PTPRD: variants seen among roughly 807,000 people sequenced by gnomAD.
The protein encoded by PTPRD is protein tyrosine phosphatase receptor type D.
Under a neutral mutation model 214.5 loss-of-function variants are expected in PTPRD, and 34 were observed. The ratio of observed to expected loss-of-function variants is 0.16; its 90% CI spans 0.12 to 0.21. The LOEUF is 0.21. PTPRD is among the 10% of genes least tolerant of loss of function. The pLI is 1.00. For missense variants in PTPRD, 2,545 were observed against 2,398.7 expected, an observed-to-expected ratio of 1.06 and a Z score of -1.27; for synonymous variants, 1,128 against 845.7, an observed-to-expected ratio of 1.33 and a Z score of -5.79.
At chr9:8,497,554 A>C (rs769979856) in intron 25 of PTPRD, among the ~76,000 whole-genome samples, 37 of 152,308 alleles carry the variant, frequency 2.4e-4, no homozygotes, top group Admixed American at 4.6e-4. Flanking sequence ...AATGTTTCTA[A>C]TCATATCCTA....
chr9:9,567,746 G>A (rs543584850), intron 8 of PTPRD, among the ~76,000 whole-genome samples: 1 of 151,994 alleles, frequency 6.6e-6, no homozygotes, highest in African/African-American at 2.4e-5. Flanking sequence ...GCAGCCTTGA[G>A]CTTCCATGGA....
chr9:9,400,757 G>A (rs1305062480), intron 8 of PTPRD, among the ~76,000 whole-genome samples: 1 of 152,048 alleles, frequency 6.6e-6, no homozygotes, highest in Non-Finnish European at 1.5e-5. Context: ...TAAGAGTGAG[G>A]AAATGGAGTC....
chr9:10,303,561 T>TA (rs1347728358), intron 3 of PTPRD, among the ~76,000 whole-genome samples: 7 of 151,792 alleles, frequency 4.6e-5, no homozygotes, highest in African/African-American at 1.7e-4. Context: ...ATAGATGCAA[T>TA]AAAAAATAAT....
chr9:8,645,551 C>T (rs1267969944), intron 12 of PTPRD, among the ~76,000 whole-genome samples: 2 of 152,090 alleles, frequency 1.3e-5, no homozygotes, highest in African/African-American at 4.8e-5. Context: ...AAGCATTTCC[C>T]ATTTGGTAGA....
intron 11 of PTPRD, among the ~76,000 whole-genome samples, chr9:8,809,057 C>T (rs6477356): frequency 0.82 from 123,519 of 151,440 alleles, 50,906 homozygotes; most frequent in African/African-American, 0.96. Flanking sequence ...ACTAAGACCA[C>T]AGCTTGGTTT....
At chr9:8,593,162 A>C (rs2094239377) in intron 14 of PTPRD, among the ~76,000 whole-genome samples, 1 of 152,216 alleles carries the variant, frequency 6.6e-6, no homozygotes, top group Non-Finnish European at 1.5e-5. Flanking sequence ...ATCATAAAAG[A>C]AACAAAATTT....
chr9:9,678,413 C>T (rs1039826253), intron 7 of PTPRD, among the ~76,000 whole-genome samples: 13 of 151,854 alleles, frequency 8.6e-5, no homozygotes, highest in Non-Finnish European at 1.2e-4. Flanking sequence ...GAAATAATGC[C>T]GCATATCTAC....
At chr9:10,065,272 A>C (rs2097857208) in intron 3 of PTPRD, among the ~76,000 whole-genome samples, 1 of 151,930 alleles carries the variant, frequency 6.6e-6, no homozygotes, top group Non-Finnish European at 1.5e-5. Context: ...CTCTAACCCA[A>C]GGTAGTTGGC....
rs373934059 is a variant in PTPRD at position 9,723,543 on chromosome 9, C to T, written c.-287+10990G>A. Among the ~76,000 whole-genome samples the T allele has an allele frequency of 1.7e-3, 254 of 152,130 alleles. 1 individual carries two copies. Among genetic ancestry groups the T allele is most frequent in the African/African-American group, 5.7e-3 (237 of 41,540 alleles). ...AATGCCATGTGAATTTTAGAATCAG[C>T]TTGTTAGTTTCTACAAAGAAGTGAG... On this transcript the variant is annotated intron_variant, in intron 7 of 45. Coordinates refer to ENST00000381196, the MANE Select transcript of PTPRD (RefSeq NM_002839.4).
In PTPRD at chr9:9,879,567, C is replaced by T. The variant is rs930751809; in HGVS notation, c.-368+58940G>A. On this transcript the variant is annotated intron_variant, in intron 5 of 45. Transcript: ENST00000381196. ...AATTGAAGCTTGCAAGTATTTGACA[C>T]TGCAACAATTATATATTTTTTTCCA... is the stretch of plus-strand genomic sequence containing the variant. Among the ~76,000 whole-genome samples, 14 of 152,160 alleles carry T rather than the reference C, an allele frequency of 9.2e-5. 1 individual carries two copies. The highest frequency in any genetic ancestry group is 3.1e-4 in the African/African-American group (13 of 41,442).
intron 4 of PTPRD, among the ~76,000 whole-genome samples, chr9:9,942,476 T>C (rs148854223): frequency 3.7e-4 from 57 of 152,276 alleles, no homozygotes; most frequent in South Asian, 1.4e-3. Flanking sequence ...TCAATTTGTA[T>C]ATAAGATGTA....
intron 9 of PTPRD, among the ~76,000 whole-genome samples, chr9:9,224,207 C>T (rs563325667): frequency 6.6e-6 from 1 of 152,042 alleles, no homozygotes; most frequent in African/African-American, 2.4e-5. Flanking sequence ...TGGTGATAGA[C>T]TCAAGAGTAA....
chr9:8,551,237 A>T, intron 14 of PTPRD, among the ~76,000 whole-genome samples: 1 of 152,206 alleles, frequency 6.6e-6, no homozygotes, highest in East Asian at 1.9e-4. Context: ...TAGCACAAAC[A>T]TATTTTGTAA....
intron 2 of PTPRD, among the ~76,000 whole-genome samples, chr9:10,377,602 C>T (rs1035632815): frequency 6.6e-6 from 1 of 151,966 alleles, no homozygotes; most frequent in Non-Finnish European, 1.5e-5. Flanking sequence ...TCACCCATGT[C>T]CCTACAAAGG....
intron 7 of PTPRD, among the ~76,000 whole-genome samples, chr9:9,610,497 T>C (rs948125132): frequency 2.0e-5 from 3 of 152,212 alleles, no homozygotes; most frequent in African/African-American, 4.8e-5. Flanking sequence ...TACACATTAA[T>C]TGCAATTAAT....
intron 5 of PTPRD, among the ~76,000 whole-genome samples, chr9:9,772,795 G>A (rs1031451133): frequency 2.6e-5 from 4 of 151,122 alleles, no homozygotes; most frequent in African/African-American, 9.7e-5. Context: ...ACTATAAATT[G>A]AAAAGCAATT....
At chr9:9,607,207 G>A (rs1267124449) in intron 7 of PTPRD, among the ~76,000 whole-genome samples, 1 of 151,996 alleles carries the variant, frequency 6.6e-6, no homozygotes, top group African/African-American at 2.4e-5. Flanking sequence ...TGATGACTTA[G>A]AGCATAAGTT....
intron 11 of PTPRD, among the ~76,000 whole-genome samples, chr9:8,753,632 C>T (rs559430875): frequency 6.6e-6 from 1 of 152,080 alleles, no homozygotes; most frequent in African/African-American, 2.4e-5. Flanking sequence ...ATGAATTTTG[C>T]AAGGCTGCTA....
intron 10 of PTPRD, among the ~76,000 whole-genome samples, chr9:9,109,507 T>C (rs2099803111): frequency 6.6e-6 from 1 of 152,014 alleles, no homozygotes; most frequent in Non-Finnish European, 1.5e-5. Context: ...AATAAGAAAA[T>C]GTACCCAAAG....
Sources: gnomAD v4.1 joint callset for allele counts (sites outside exome capture counted in the v4.1 genomes callset) on GRCh38, gnomAD v4.1.1 for gene constraint, MANE v1.5 for transcripts, NCBI Gene and HGNC (gene_info 2026-07-23, HGNC 2026-07-21) for gene names.